The following SYNE1 variants were observed in gnomAD, a reference collection of about 807,000 sequenced individuals.
SYNE1 encodes nesprin-1.
A neutral mutation model predicts 1,111.0 loss-of-function variants in SYNE1; 616 were observed. The ratio of observed to expected loss-of-function variants is 0.55; its 90% CI spans 0.52 to 0.59. The LOEUF (loss-of-function observed/expected upper bound fraction) is 0.59. Ranked by LOEUF, SYNE1 falls within the 20% of genes least tolerant of loss-of-function variation. The probability of loss-of-function intolerance (pLI) is 0.00; values close to 1 mark genes in which losing one functional copy is unlikely to be tolerated. For synonymous variants in SYNE1, 3,855 were observed against 3,825.8 expected, an observed-to-expected ratio of 1.01 and a Z score of -0.28; for missense variants, 10,006 against 10,417.0, an observed-to-expected ratio of 0.96 and a Z score of 1.72.
chr6:152,131,451 T>C (rs2055620587), intron 144 of SYNE1, among the ~76,000 whole-genome samples: 1 of 151,696 alleles, frequency 6.6e-6, no homozygotes, highest in South Asian at 2.1e-4. Context: ...GGAATGAATA[T>C]AATCATAAAG....
At chr6:152,202,346 C>CAAAAAAAAAAAAAAAAAAAAAA (rs35563822) in intron 126 of SYNE1, among the ~76,000 whole-genome samples, 8 of 48,050 alleles carry the variant, frequency 1.7e-4, no homozygotes, top group Non-Finnish European at 2.0e-4. Context: ...GACTCTGTCT[C>CAAAAAAAAAAAAAAAAAAAAAA]AAAAAAAAAA....
intron 3 of SYNE1, among the ~76,000 whole-genome samples, chr6:152,574,790 CA>C (rs538199951): frequency 2.4e-3 from 367 of 152,184 alleles, no homozygotes; most frequent in African/African-American, 8.0e-3. Context: ...TTTTCAGGCA[CA>C]CTAACACTTT....
rs773727595 is a variant in SYNE1, at chr6:152,136,611, T to C, written c.25659+7A>G. ...CTGAGTCACCTCCTGCCCAAAGCTC[T>C]ACAGACCTGGCACTGCATCAGGGCA... is the stretch of plus-strand genomic sequence containing the variant. On this transcript the variant is annotated splice_region_variant and intron_variant, in intron 141 of 145. Transcript: ENST00000367255. 2.0e-5 allele frequency: 33 copies of C among 1,613,008 alleles called. No individual in the cohort carries two copies. The highest frequency in any genetic ancestry group is 2.7e-5 in the Non-Finnish European group (32 of 1,180,020).
chr6:152,621,319 G>A (rs1176113145), intron 3 of SYNE1, among the ~76,000 whole-genome samples: 1 of 152,152 alleles, frequency 6.6e-6, no homozygotes, highest in Non-Finnish European at 1.5e-5. Context: ...TGTGTTTAAT[G>A]TTACATCATA....
At chr6:152,320,330 A>G (rs2095842548) in intron 84 of SYNE1, 1 of 152,242 alleles carries the variant, frequency 6.6e-6, no homozygotes, top group Non-Finnish European at 1.5e-5. Flanking sequence ...GAGATTTTTA[A>G]AACACTTTGC....
chr6:152,365,015 A>T lies in SYNE1; in HGVS notation c.9977T>A (p.Leu3326Gln). Residue 3326 changes from leucine (L) to glutamine (Q), a missense_variant, in exon 63 of 146, where the codon CTA (leucine) becomes CAA (glutamine). Coordinates refer to ENST00000367255, the MANE Select transcript of SYNE1 (RefSeq NM_182961.4). ...CTCTTTTTCCTGTTTGACTGATAATAGAGCCTGTGAAAACACATACAGAAG... is the reference window on the plus strand; with the variant it reads ...CTCTTTTTCCTGTTTGACTGATAATTGAGCCTGTGAAAACACATACAGAAG... Reference protein sequence around the residue: ...LDSRTLKLEALLSVKQEKEIQ... With the variant: ...LDSRTLKLEAQLSVKQEKEIQ... 6.2e-7 allele frequency: 1 copy of T among 1,614,242 alleles called. No individual in the cohort carries two copies. The highest frequency in any genetic ancestry group is 8.5e-7 in the Non-Finnish European group (1 of 1,180,038).
chr6:152,310,664 T>C, intron 88 of SYNE1, 24 bp downstream of exon 88: 2 of 1,611,172 alleles, frequency 1.2e-6, no homozygotes, highest in East Asian at 4.5e-5. Flanking sequence ...TTTTTTTCTG[T>C]TTCTTTTTTT....
At chr6:152,622,142 A>G (rs1454130899) in intron 3 of SYNE1, among the ~76,000 whole-genome samples, 1 of 152,226 alleles carries the variant, frequency 6.6e-6, no homozygotes, top group East Asian at 1.9e-4. Flanking sequence ...TTTACACAAT[A>G]TTTATGTGGG....
At chr6:152,412,700 A>G (rs1292096124) in intron 42 of SYNE1, among the ~76,000 whole-genome samples, 1 of 152,206 alleles carries the variant, frequency 6.6e-6, no homozygotes, top group Non-Finnish European at 1.5e-5. Context: ...TGCGTATGAA[A>G]AAAAGTAAAT....
chr6:152,558,389 A>G (rs936588959), intron 3 of SYNE1, among the ~76,000 whole-genome samples: 1 of 152,200 alleles, frequency 6.6e-6, no homozygotes, highest in African/African-American at 2.4e-5. Flanking sequence ...TCAAAAGACA[A>G]AGAGTGGCCA....
intron 127 of SYNE1, among the ~76,000 whole-genome samples, chr6:152,192,823 C>T (rs772615099): frequency 6.6e-6 from 1 of 151,932 alleles, no homozygotes; most frequent in Non-Finnish European, 1.5e-5. Flanking sequence ...TAATGACATT[C>T]TTTGTGTCTT....
intron 4 of SYNE1, among the ~76,000 whole-genome samples, chr6:152,536,398 A>AT (rs1554871035): frequency 1.0e-4 from 13 of 129,360 alleles, no homozygotes; most frequent in South Asian, 4.4e-4. Flanking sequence ...ATTTATATAT[A>AT]TACTATATAT....
intron 6 of SYNE1, among the ~76,000 whole-genome samples, chr6:152,514,575 T>C (rs1432595616): frequency 1.3e-5 from 2 of 151,646 alleles, no homozygotes; most frequent in South Asian, 2.1e-4. Flanking sequence ...TGTATACCTA[T>C]GTAGCAAACC....
At chr6:152,166,719 C>A (rs949361768) in intron 130 of SYNE1, among the ~76,000 whole-genome samples, 1 of 152,082 alleles carries the variant, frequency 6.6e-6, no homozygotes, top group Non-Finnish European at 1.5e-5. Flanking sequence ...TTAGTAAAGT[C>A]GACGGGGGTG....
At chr6:152,234,451 C>T (rs556364339) in intron 111 of SYNE1, among the ~76,000 whole-genome samples, 87 of 152,224 alleles carry the variant, frequency 5.7e-4, no homozygotes, top group African/African-American at 1.9e-3. Context: ...TGCACTACCA[C>T]GCCCGGCTAA....
chr6:152,274,888 C>T (rs2093483071), intron 98 of SYNE1, among the ~76,000 whole-genome samples: 1 of 151,884 alleles, frequency 6.6e-6, no homozygotes, highest in Non-Finnish European at 1.5e-5. Context: ...GAGCCATGGC[C>T]CATTTGTTTA....
rs775310887 is a variant in SYNE1, at chr6:152,219,075, C to T, written c.21972G>A (p.Ser7324=). 8.1e-6 allele frequency: 13 copies of T among 1,613,986 alleles called. No homozygotes were observed. Among genetic ancestry groups the T allele is most frequent in the African/African-American group, 4.0e-5 (3 of 74,912 alleles). Residue 7324 remains serine (S), a synonymous_variant, in exon 120 of 146, where the codon TCG becomes TCA. Transcript: ENST00000367255. Reference sequence around the variant, plus strand: ...AGTGTTGACTCAAAGAGAGTTGATCCGATTGAATAGCTGATGCTGCGGAAG... The same window carrying T: ...AGTGTTGACTCAAAGAGAGTTGATCTGATTGAATAGCTGATGCTGCGGAAG... ...VDASAASAIQ[S]DQLSLSQHLC...
At chr6:152,300,880 C>T (rs1348887396) in intron 92 of SYNE1, 99 bp from the exon 93 acceptor site, 53 of 1,563,206 alleles carry the variant, frequency 3.4e-5, no homozygotes, top group Middle Eastern at 1.7e-4. Context: ...AATTATAAAA[C>T]GAAGGTTAAA....
chr6:152,435,495 G>A (rs909975868), intron 33 of SYNE1: 7 of 159,612 alleles, frequency 4.4e-5, no homozygotes, highest in African/African-American at 1.7e-4. Context: ...CTGTAAACAA[G>A]CTCCAGGAGC....
Sources: allele counts gnomAD v4.1 joint callset (sites outside exome capture counted in the v4.1 genomes callset), GRCh38; gene constraint gnomAD v4.1.1; transcripts MANE v1.5; gene names NCBI Gene and HGNC (gene_info 2026-07-23, HGNC 2026-07-21).